LDB2: variants seen among roughly 807,000 people sequenced by gnomAD.
LDB2 encodes LIM domain binding 2.
In LDB2, 12 loss-of-function variants were observed where a neutral mutation model predicts 44.3. The observed-to-expected ratio is 0.27, with a 90% CI of 0.17 to 0.44. The LOEUF is 0.44. Among genes scored for constraint, LDB2 ranks in the 20% least tolerant of loss-of-function variants. The pLI is 1.00. For missense variants in LDB2, 344 were observed against 473.5 expected (o/e 0.73, Z 2.54); for synonymous variants, 164 against 174.8 (o/e 0.94, Z 0.49).
intron 2 of LDB2, among the ~76,000 whole-genome samples, chr4:16,699,763 A>G (rs1376989834): frequency 1.3e-5 from 2 of 152,148 alleles, no homozygotes; most frequent in African/African-American, 4.8e-5. Context: ...AAAACTTCAG[A>G]TTTTCATTGC....
At chr4:16,503,408 A>C (rs964240902) in intron 7 of LDB2, among the ~76,000 whole-genome samples, 9 of 152,192 alleles carry the variant, frequency 5.9e-5, no homozygotes, top group African/African-American at 1.7e-4. Context: ...TGAAGACAGA[A>C]TCTCTCTTTT....
chr4:16,888,966 T>C (rs758153666), intron 1 of LDB2, among the ~76,000 whole-genome samples: 8 of 152,090 alleles, frequency 5.3e-5, no homozygotes, highest in Non-Finnish European at 7.4e-5. Context: ...GTCACTGTTT[T>C]CATTCCAGAA....
At chr4:16,515,401 A>C (rs989803228) in intron 5 of LDB2, among the ~76,000 whole-genome samples, 1 of 152,238 alleles carries the variant, frequency 6.6e-6, no homozygotes, top group Non-Finnish European at 1.5e-5. Context: ...ACAAACCTGC[A>C]CATGTACTTC....
intron 2 of LDB2, among the ~76,000 whole-genome samples, chr4:16,743,657 CAGT>C (rs1436840253): frequency 1.3e-5 from 2 of 151,978 alleles, no homozygotes; most frequent in Non-Finnish European, 2.9e-5. Context: ...TGCCAGGGAG[CAGT>C]AGAAGACCTC....
chr4:16,817,463 G>A (rs761467849), intron 1 of LDB2, among the ~76,000 whole-genome samples: 2 of 152,156 alleles, frequency 1.3e-5, no homozygotes, highest in Non-Finnish European at 2.9e-5. Flanking sequence ...GCCCCATGGG[G>A]ATATTCATTC....
At chr4:16,627,151 G>A in intron 2 of LDB2, among the ~76,000 whole-genome samples, 1 of 152,130 alleles carries the variant, frequency 6.6e-6, no homozygotes, top group East Asian at 1.9e-4. Context: ...GTCACACTGG[G>A]AGGTCAGTGA....
At chr4:16,663,659 A>G (rs1025606116) in intron 2 of LDB2, among the ~76,000 whole-genome samples, 3 of 152,234 alleles carry the variant, frequency 2.0e-5, no homozygotes, top group Non-Finnish European at 4.4e-5. Flanking sequence ...AGCACAGGGT[A>G]GCTAGTAAAT....
At chr4:16,846,130 A>G (rs1786947727) in intron 1 of LDB2, among the ~76,000 whole-genome samples, 1 of 151,082 alleles carries the variant, frequency 6.6e-6, no homozygotes, top group Non-Finnish European at 1.5e-5. Context: ...AAAAAAAAAA[A>G]GTTAATAAGT....
At chr4:16,822,122 A>AG (rs1249439742) in intron 1 of LDB2, among the ~76,000 whole-genome samples, 8 of 152,280 alleles carry the variant, frequency 5.3e-5, no homozygotes, top group African/African-American at 1.9e-4. Context: ...AAAAAAAAAA[A>AG]AAAGTTGACT....
chr4:16,787,087 TTTTTG>T (rs1383536029), intron 1 of LDB2, among the ~76,000 whole-genome samples: 1 of 152,176 alleles, frequency 6.6e-6, no homozygotes, highest in African/African-American at 2.4e-5. Flanking sequence ...TTGAGAGGTT[TTTTTG>T]TTTTGTTTTG....
chr4:16,822,675 C>T lies in LDB2; in HGVS notation c.133-63415G>A, dbSNP rs552306415. 3.4e-4 allele frequency among the ~76,000 whole-genome samples: 52 copies of T among 151,992 alleles called. No homozygotes were observed. In the South Asian group the frequency reaches 4.0e-3, roughly 12 times the overall value. Reference sequence around the variant, plus strand: ...AATTACAGGCACGTGCCACCACGCCCGGCTAATTTTTTGTATTTTTAGTAG... The same window carrying T: ...AATTACAGGCACGTGCCACCACGCCTGGCTAATTTTTTGTATTTTTAGTAG... On this transcript the variant is annotated intron_variant, in intron 1 of 7. Transcript: ENST00000304523.
chr4:16,824,756 T>C (rs144746716), intron 1 of LDB2, among the ~76,000 whole-genome samples: 82 of 152,370 alleles, frequency 5.4e-4, no homozygotes, highest in African/African-American at 1.8e-3. Context: ...ACAACACGGG[T>C]GTTCACCCAT....
At chr4:16,705,059 A>G (rs1359709833) in intron 2 of LDB2, among the ~76,000 whole-genome samples, 1 of 152,192 alleles carries the variant, frequency 6.6e-6, no homozygotes, top group Non-Finnish European at 1.5e-5. Flanking sequence ...CATGTCTCTA[A>G]TAAGAATAAA....
chr4:16,679,678 T>C (rs1391310567), intron 2 of LDB2, among the ~76,000 whole-genome samples: 1 of 151,994 alleles, frequency 6.6e-6, no homozygotes, highest in East Asian at 1.9e-4. Flanking sequence ...AGAGTGGCCA[T>C]CACCATGGCC....
At chr4:16,565,356 A>G (rs1744112190) in intron 5 of LDB2, among the ~76,000 whole-genome samples, 1 of 152,214 alleles carries the variant, frequency 6.6e-6, no homozygotes, top group Admixed American at 6.5e-5. Flanking sequence ...TCTTATTAAT[A>G]TATTTACTCA....
At chr4:16,693,864 G>T (rs956291832) in intron 2 of LDB2, among the ~76,000 whole-genome samples, 1 of 152,202 alleles carries the variant, frequency 6.6e-6, no homozygotes, top group African/African-American at 2.4e-5. Context: ...TTCCAGGGGA[G>T]ACCTGACACA....
chr4:16,886,497 T>G (rs1248429165), intron 1 of LDB2, among the ~76,000 whole-genome samples: 3 of 152,176 alleles, frequency 2.0e-5, no homozygotes, highest in Admixed American at 6.5e-5. Context: ...TATACTAACA[T>G]GTTCACAGCA....
chr4:16,502,229 A>C lies in LDB2; in HGVS notation c.*414T>G, dbSNP rs1302221429. ...AGTCAAAAAGCAGAAAATATTTTAC[A>C]ATATTAAAAAGTCATCTGTAGTTAG... On this transcript the variant is annotated 3_prime_UTR_variant, in exon 8 of 8. Coordinates refer to ENST00000304523, the MANE Select transcript of LDB2 (RefSeq NM_001290.5). 6.3e-6 allele frequency: 1 copy of C among 157,630 alleles called. No individual in the cohort carries two copies. Among genetic ancestry groups the C allele is most frequent in the Non-Finnish European group, 1.4e-5 (1 of 71,574 alleles). The allele number at this position is 157,630 out of a possible 1,614,324, so 9.8% of individuals were successfully genotyped here.
At chr4:16,839,252 C>A (rs2110097162) in intron 1 of LDB2, among the ~76,000 whole-genome samples, 1 of 152,312 alleles carries the variant, frequency 6.6e-6, no homozygotes, top group Non-Finnish European at 1.5e-5. Flanking sequence ...GATTGGACAT[C>A]TGGCGAAAAC....
Sources: allele counts gnomAD v4.1 joint callset (sites outside exome capture counted in the v4.1 genomes callset), GRCh38; gene constraint gnomAD v4.1.1; transcripts MANE v1.5; gene names NCBI Gene and HGNC (gene_info 2026-07-23, HGNC 2026-07-21).